Variants in FAM174A observed in about 807,000 individuals in gnomAD.
The protein encoded by FAM174A is family with sequence similarity 174 member A.
FAM174A carries 14 observed loss-of-function variants against 14.3 expected under a neutral mutation model. The observed-to-expected ratio is 0.98, with a 90% CI of 0.65 to 1.53. The LOEUF (loss-of-function observed/expected upper bound fraction) is 1.53. Ranked by LOEUF, FAM174A falls within the 40% of genes most tolerant of loss-of-function variation. FAM174A has a pLI of 0.00. For missense variants in FAM174A, 241 were observed against 249.6 expected (o/e 0.97, Z 0.23); for synonymous variants, 108 against 111.4 (o/e 0.97, Z 0.19).
chr5:100,575,774 CA>C (rs1746891231), intron 2 of FAM174A, among the ~76,000 whole-genome samples: 1 of 152,040 alleles, frequency 6.6e-6, no homozygotes. Context: ...AAAATTTTTG[CA>C]ATCTACTCAT....
chr5:100,567,223 A>T (rs572318558), intron 2 of FAM174A, among the ~76,000 whole-genome samples: 86 of 151,982 alleles, frequency 5.7e-4, no homozygotes, highest in Non-Finnish European at 1.6e-4. Flanking sequence ...AAACTTCTTT[A>T]ATATATATCT....
chr5:100,585,311 C>T (rs1475782313), intron 2 of FAM174A, among the ~76,000 whole-genome samples: 1 of 152,162 alleles, frequency 6.6e-6, no homozygotes, highest in Non-Finnish European at 1.5e-5. Context: ...TAAATTTTAA[C>T]ATAGTAGATT....
intron 1 of FAM174A, among the ~76,000 whole-genome samples, chr5:100,536,755 C>G (rs1442997211): frequency 6.6e-6 from 1 of 152,158 alleles, no homozygotes; most frequent in Non-Finnish European, 1.5e-5. Context: ...CACGTTTTTC[C>G]CATAAATACC....
At chr5:100,560,920 A>G (rs247939) in intron 1 of FAM174A, among the ~76,000 whole-genome samples, 86,844 of 151,802 alleles carry the variant, frequency 0.57, 27,376 homozygotes, top group African/African-American at 0.83. Flanking sequence ...GCAGGGTCAC[A>G]GTTTTGGTCG....
intron 1 of FAM174A, among the ~76,000 whole-genome samples, chr5:100,558,671 T>G (rs1429420522): frequency 3.3e-5 from 5 of 152,200 alleles, no homozygotes; most frequent in South Asian, 2.1e-4. Context: ...CTTGTTGAAT[T>G]GATCCCTTTA....
intron 2 of FAM174A, among the ~76,000 whole-genome samples, chr5:100,573,365 C>G (rs1444420866): frequency 6.7e-6 from 1 of 150,128 alleles, no homozygotes; most frequent in South Asian, 2.1e-4. Context: ...AGGTTTTCTT[C>G]TAGGGTTTTT....
At position 100,550,043 on chromosome 5, in the gene FAM174A, A is replaced by G. The variant is rs111256081; in HGVS notation, c.435-12011A>G. Among the ~76,000 whole-genome samples, 1,245 of 152,250 alleles carry G rather than the reference A, an allele frequency of 8.2e-3. 14 individuals carry two copies. Among genetic ancestry groups the G allele is most frequent in the African/African-American group, 0.029 (1,185 of 41,544 alleles). ...GCCAGTTTGGCTTTTGAAAGGATAA[A>G]CTTCAGTTATTCATAGTGTATATGA... On this transcript the variant is annotated intron_variant, in intron 1 of 2. Transcript: ENST00000312637.
intron 1 of FAM174A, among the ~76,000 whole-genome samples, chr5:100,556,799 T>G (rs1746395419): frequency 6.6e-6 from 1 of 152,198 alleles, no homozygotes; most frequent in African/African-American, 2.4e-5. Flanking sequence ...TTTTGTTTCC[T>G]GAGACTTTGC....
intron 1 of FAM174A, among the ~76,000 whole-genome samples, chr5:100,554,602 G>A (rs1374186340): frequency 6.6e-6 from 1 of 151,796 alleles, no homozygotes; most frequent in Admixed American, 6.6e-5. Flanking sequence ...GAGTAACCAC[G>A]CCTGGACTAT....
chr5:100,555,886 A>C (rs374139034), intron 1 of FAM174A, among the ~76,000 whole-genome samples: 1 of 151,932 alleles, frequency 6.6e-6, no homozygotes, highest in African/African-American at 2.4e-5. Context: ...CTCCCATTCT[A>C]TAGGTTGCCT....
chr5:100,554,159 A>C (rs1016850430), intron 1 of FAM174A, among the ~76,000 whole-genome samples: 5 of 152,132 alleles, frequency 3.3e-5, no homozygotes, highest in African/African-American at 7.2e-5. Flanking sequence ...AAGAGAAATT[A>C]TAACTTTCAA....
chr5:100,554,590 G>T (rs1746331347), intron 1 of FAM174A, among the ~76,000 whole-genome samples: 2 of 152,050 alleles, frequency 1.3e-5, no homozygotes, highest in South Asian at 4.1e-4. Context: ...GATTACAGGT[G>T]TGAGTAACCA....
intron 2 of FAM174A, among the ~76,000 whole-genome samples, chr5:100,581,825 TTATAAA>T (rs1303614409): frequency 1.3e-5 from 2 of 152,128 alleles, no homozygotes; most frequent in Non-Finnish European, 1.5e-5. Flanking sequence ...TCATACAGTC[TTATAAA>T]TATAAACAGG....
At chr5:100,571,137 C>CAT (rs1746769974) in intron 2 of FAM174A, among the ~76,000 whole-genome samples, 1 of 137,700 alleles carries the variant, frequency 7.3e-6, no homozygotes, top group Non-Finnish European at 1.6e-5. Context: ...TGTACATATA[C>CAT]ATATATATGT....
chr5:100,542,612 T>A (rs1480864997), intron 1 of FAM174A, among the ~76,000 whole-genome samples: 3 of 152,208 alleles, frequency 2.0e-5, no homozygotes, highest in African/African-American at 7.2e-5. Flanking sequence ...CCCTCTGAGA[T>A]GTAAATCTAT....
chr5:100,561,732 C>T (rs986917092), intron 1 of FAM174A, among the ~76,000 whole-genome samples: 13 of 151,724 alleles, frequency 8.6e-5, no homozygotes, highest in Admixed American at 7.9e-4. Flanking sequence ...TAAAGAAGTA[C>T]CTGACCTAAG....
chr5:100,548,921 TCA>T (rs140295346), intron 1 of FAM174A, among the ~76,000 whole-genome samples: 2,283 of 152,204 alleles, frequency 0.015, 62 homozygotes, highest in African/African-American at 0.052. Flanking sequence ...TTTAATTTTC[TCA>T]CTTATGAAAT....
chr5:100,536,696 G>A (rs1416659251), intron 1 of FAM174A, among the ~76,000 whole-genome samples: 4 of 152,178 alleles, frequency 2.6e-5, no homozygotes, highest in Non-Finnish European at 5.9e-5. Context: ...TATAAAATAA[G>A]TGTAGAGGGT....
chr5:100,579,944 C>T (rs1746979517), intron 2 of FAM174A, among the ~76,000 whole-genome samples: 1 of 152,132 alleles, frequency 6.6e-6, no homozygotes. Flanking sequence ...GGATTCATGT[C>T]ATCATTTAGT....
Sources: gnomAD v4.1 joint callset for allele counts (sites outside exome capture counted in the v4.1 genomes callset) on GRCh38, gnomAD v4.1.1 for gene constraint, MANE v1.5 for transcripts, NCBI Gene and HGNC (gene_info 2026-07-23, HGNC 2026-07-21) for gene names.